The following GRID1 variants were observed in gnomAD, a reference collection of about 807,000 sequenced individuals.
GRID1 encodes the protein glutamate receptor ionotropic, delta-1.
GRID1 carries 28 observed loss-of-function variants against 98.0 expected under a neutral mutation model. The observed-to-expected ratio is 0.29, with a 90% CI of 0.21 to 0.39. The LOEUF (loss-of-function observed/expected upper bound fraction) is 0.39, where lower values mean the gene tolerates loss of function less well. Among genes scored for constraint, GRID1 ranks in the 10% least tolerant of loss-of-function variants. The pLI, the probability that GRID1 is intolerant of heterozygous loss-of-function variation, is 1.00. For missense variants in GRID1, 1,111 were observed against 1,340.5 expected (o/e 0.83, Z 2.67); for synonymous variants, 553 against 538.5 (o/e 1.03, Z -0.37).
At chr10:86,245,653 T>A (rs1185219331) in intron 2 of GRID1, among the ~76,000 whole-genome samples, 1 of 152,216 alleles carries the variant, frequency 6.6e-6, no homozygotes, top group Non-Finnish European at 1.5e-5. Context: ...GACAGTGCTG[T>A]CCCCAAGTGG....
chr10:86,322,415 G>A (rs373400133), intron 2 of GRID1, among the ~76,000 whole-genome samples: 32 of 151,930 alleles, frequency 2.1e-4, no homozygotes, highest in African/African-American at 7.0e-4. Flanking sequence ...TGTTGTTGTC[G>A]TTGTTGTTGT....
chr10:85,694,234 A>C (rs73328605), intron 12 of GRID1, among the ~76,000 whole-genome samples: 6,858 of 152,184 alleles, frequency 0.045, 472 homozygotes, highest in African/African-American at 0.15. Context: ...TTACCATCTT[A>C]CACCAATCAG....
At chr10:86,120,459 G>A (rs1244424973) in intron 4 of GRID1, among the ~76,000 whole-genome samples, 1 of 152,168 alleles carries the variant, frequency 6.6e-6, no homozygotes, top group East Asian at 1.9e-4. Context: ...TTTCCCTAAG[G>A]ACAGACAAGT....
chr10:85,767,463 T>A (rs1842208871), intron 8 of GRID1, among the ~76,000 whole-genome samples: 1 of 152,210 alleles, frequency 6.6e-6, no homozygotes, highest in Admixed American at 6.5e-5. Flanking sequence ...ATAGCATATC[T>A]AATATACAAG....
At chr10:85,732,925 C>T (rs1047015064) in intron 8 of GRID1, among the ~76,000 whole-genome samples, 5 of 152,128 alleles carry the variant, frequency 3.3e-5, no homozygotes, top group Non-Finnish European at 4.4e-5. Context: ...ACATTCCCTC[C>T]TGATATTTGT....
intron 12 of GRID1, among the ~76,000 whole-genome samples, chr10:85,706,046 T>G (rs1351595180): frequency 6.6e-6 from 1 of 152,170 alleles, no homozygotes; most frequent in Non-Finnish European, 1.5e-5. Context: ...CTTTGAAAAC[T>G]GGCACAAGAC....
chr10:85,628,580 A>C (rs1842937745), intron 13 of GRID1, among the ~76,000 whole-genome samples: 1 of 152,178 alleles, frequency 6.6e-6, no homozygotes, highest in African/African-American at 2.4e-5. Context: ...GGTGATGCAG[A>C]ATCAAAATGA....
intron 2 of GRID1, among the ~76,000 whole-genome samples, chr10:86,277,663 T>C (rs1053686761): frequency 2.6e-5 from 4 of 152,062 alleles, no homozygotes; most frequent in Admixed American, 2.6e-4. Flanking sequence ...AGTGTAATCC[T>C]GAGGGTAACC....
chr10:85,827,312 C>T (rs1198873984), intron 8 of GRID1, among the ~76,000 whole-genome samples: 1 of 152,030 alleles, frequency 6.6e-6, no homozygotes, highest in African/African-American at 2.4e-5. Context: ...AAAAAACTCA[C>T]TTTGAGAATT....
chr10:86,156,790 G>A (rs567676600), intron 3 of GRID1, among the ~76,000 whole-genome samples: 42 of 152,234 alleles, frequency 2.8e-4, no homozygotes, highest in Non-Finnish European at 4.3e-4. Flanking sequence ...TCAAAGGCCA[G>A]CATGATGGGT....
chr10:85,891,013 A>G (rs756634189), intron 5 of GRID1, among the ~76,000 whole-genome samples: 68 of 152,182 alleles, frequency 4.5e-4, no homozygotes, highest in Non-Finnish European at 9.0e-4. Flanking sequence ...AATAAATATA[A>G]TAACAGCTGA....
rs1846813570 is a variant in GRID1, at chr10:86,250,762, T to A, written c.236-44114A>T. On this transcript the variant is annotated intron_variant, in intron 2 of 15. Coordinates refer to ENST00000327946, the MANE Select transcript of GRID1 (RefSeq NM_017551.3). The stretch of plus-strand genomic sequence containing the variant: ...CTGCCCAGCCACCCGGTCTGGGAAG[T>A]GGGGAGCCCCTCTGCCCGGCCGCCA... Among the ~76,000 whole-genome samples the A allele has an allele frequency of 1.4e-5, 2 of 144,604 alleles. 1 individual carries two copies. Among genetic ancestry groups the A allele is most frequent in the South Asian group, 4.4e-4 (2 of 4,508 alleles). 94.9% of individuals were successfully genotyped at this position (144,604 alleles called of 152,430 possible). A position where few individuals can be genotyped will look rare whatever the true frequency, so the allele number is the denominator to read the frequency against.
chr10:85,843,618 C>G (rs1842980384), intron 8 of GRID1, among the ~76,000 whole-genome samples: 1 of 151,986 alleles, frequency 6.6e-6, no homozygotes, highest in Admixed American at 6.6e-5. Context: ...CTTAGAAAAA[C>G]AGGCAAAAGA....
At chr10:86,087,341 T>TTGTGTG (rs10591518) in intron 4 of GRID1, among the ~76,000 whole-genome samples, 20 of 148,020 alleles carry the variant, frequency 1.4e-4, no homozygotes, top group Admixed American at 8.7e-4. Context: ...TTGAGTGTGT[T>TTGTGTG]TGTGTGTGTG....
chr10:85,990,122 T>C (rs1842662269), intron 4 of GRID1, among the ~76,000 whole-genome samples: 1 of 152,188 alleles, frequency 6.6e-6, no homozygotes, highest in African/African-American at 2.4e-5. Context: ...ATTTTTGTTA[T>C]AACAGTTCGA....
At chr10:85,902,924 C>G (rs1331612601) in intron 5 of GRID1, among the ~76,000 whole-genome samples, 1 of 152,166 alleles carries the variant, frequency 6.6e-6, no homozygotes, top group Admixed American at 6.5e-5. Context: ...TCCTCCTCCA[C>G]CTCAGGCTGC....
At chr10:86,160,162 C>T (rs1429013584) in intron 3 of GRID1, among the ~76,000 whole-genome samples, 1 of 152,184 alleles carries the variant, frequency 6.6e-6, no homozygotes, top group Non-Finnish European at 1.5e-5. Flanking sequence ...CTGATTTCTA[C>T]ACAAAGGAGC....
intron 2 of GRID1, among the ~76,000 whole-genome samples, chr10:86,271,863 T>G (rs137938922): frequency 1.3e-5 from 2 of 152,214 alleles, no homozygotes; most frequent in East Asian, 3.9e-4. Flanking sequence ...GAAAAAATAT[T>G]TATAGAAATA....
intron 12 of GRID1, among the ~76,000 whole-genome samples, chr10:85,696,552 T>A (rs562559766): frequency 1.4e-3 from 219 of 152,214 alleles, no homozygotes; most frequent in Non-Finnish European, 2.7e-3. Context: ...CGAATTTCCA[T>A]TTTCTCTTAT....
Sources: allele counts gnomAD v4.1 joint callset (sites outside exome capture counted in the v4.1 genomes callset), GRCh38; gene constraint gnomAD v4.1.1; transcripts MANE v1.5; gene names NCBI Gene and HGNC (gene_info 2026-07-23, HGNC 2026-07-21).